Variants in SPACA1 observed in about 807,000 individuals in gnomAD.
The protein encoded by SPACA1 is sperm acrosome associated 1, also known as sperm acrosome membrane-associated protein 1.
Under a neutral mutation model 32.6 loss-of-function variants are expected in SPACA1, and 17 were observed. The ratio of observed to expected loss-of-function variants is 0.52; its 90% CI spans 0.36 to 0.78. The LOEUF (loss-of-function observed/expected upper bound fraction) is 0.78, where lower values mean the gene tolerates loss of function less well. SPACA1 is among the 30% of genes least tolerant of loss of function. The probability of loss-of-function intolerance (pLI) is 0.01; values close to 1 mark genes in which losing one functional copy is unlikely to be tolerated. For missense variants in SPACA1, 363 were observed against 373.4 expected (o/e 0.97, Z 0.23); for synonymous variants, 140 against 138.1 (o/e 1.01, Z -0.10).
upstream of SPACA1, among the ~76,000 whole-genome samples, chr6:88,046,982 C>G (rs144407178): frequency 3.2e-3 from 485 of 152,260 alleles, 4 homozygotes; most frequent in South Asian, 0.02. Context: ...GGAATTTAAA[C>G]ATTAAGCCTC....
At chr6:88,064,524 G>A (rs188446537) in intron 6 of SPACA1, 110 of 165,944 alleles carry the variant, frequency 6.6e-4, no homozygotes, top group African/African-American at 2.6e-3. Flanking sequence ...GTGTTGTCCA[G>A]TTGTGGTTCT....
intron 5 of SPACA1, among the ~76,000 whole-genome samples, chr6:88,061,180 A>G (rs543485753): frequency 1.3e-5 from 2 of 152,318 alleles, no homozygotes; most frequent in South Asian, 4.1e-4. Flanking sequence ...TAGGGTAAAT[A>G]TGGTTTCCCT....
chr6:88,051,898 A>G (rs1014097952), intron 1 of SPACA1, among the ~76,000 whole-genome samples: 1 of 152,246 alleles, frequency 6.6e-6, no homozygotes, highest in Non-Finnish European at 1.5e-5. Context: ...CATTAATAAA[A>G]ATGTTGAACA....
At chr6:88,062,964 G>A (rs1169175268) in intron 5 of SPACA1, among the ~76,000 whole-genome samples, 3 of 152,096 alleles carry the variant, frequency 2.0e-5, no homozygotes, top group Non-Finnish European at 4.4e-5. Context: ...GTAGGCAAAC[G>A]TTTCTTAGAC....
Position 88,053,970 on chromosome 6 carries a change from A to T in SPACA1, c.233A>T (p.Glu78Val), listed in dbSNP as rs1355466907. 1 of 1,613,622 alleles carries T rather than the reference A, an allele frequency of 6.2e-7. No homozygotes were observed. ...GTTTCAAATAGGAATGTCGTCAAAG[A>T]AGTAGAATTCGGAATGTGCACCGTT... The part of the protein sequence containing the change: ...EDVSNRNVVK[E>V]VEFGMCTVTC... Residue 78 changes from glutamate to valine, a missense_variant, in exon 2 of 7, where the codon GAA becomes GTA. Physicochemically the swap from Glu to Val is moderately radical, Grantham distance 121. Transcript: ENST00000237201.
chr6:88,061,323 T>A (rs1026691650), intron 5 of SPACA1, among the ~76,000 whole-genome samples: 5 of 152,138 alleles, frequency 3.3e-5, no homozygotes, highest in African/African-American at 1.2e-4. Flanking sequence ...AAATAGGACT[T>A]TTTACAGATG....
intron 5 of SPACA1, among the ~76,000 whole-genome samples, chr6:88,059,803 C>T (rs908119642): frequency 3.1e-4 from 47 of 152,200 alleles, no homozygotes; most frequent in African/African-American, 1.1e-3. Context: ...CACTGGTTTA[C>T]ATCATTTAGA....
At chr6:88,057,318 G>A (rs1413246235) in intron 2 of SPACA1, among the ~76,000 whole-genome samples, 1 of 152,132 alleles carries the variant, frequency 6.6e-6, no homozygotes, top group African/African-American at 2.4e-5. Context: ...TAGTAAAGCG[G>A]TCCCTTTAAT....
intron 2 of SPACA1, among the ~76,000 whole-genome samples, chr6:88,055,074 CAA>C (rs2127799364): frequency 6.6e-6 from 1 of 151,742 alleles, no homozygotes; most frequent in East Asian, 1.9e-4. Context: ...CTTAGTAAGT[CAA>C]GAGTCATAAA....
upstream of SPACA1, among the ~76,000 whole-genome samples, chr6:88,047,636 G>T (rs1267810008): frequency 6.6e-6 from 1 of 152,234 alleles, no homozygotes. Context: ...GGAACTTCCG[G>T]TTGCGGGGAA....
At chr6:88,050,938 G>C (rs1333627056) in intron 1 of SPACA1, among the ~76,000 whole-genome samples, 1 of 151,848 alleles carries the variant, frequency 6.6e-6, no homozygotes, top group African/African-American at 2.4e-5. Context: ...TCACAAGGTG[G>C]AGATCGAGAG....
chr6:88,059,641 T>A, intron 5 of SPACA1, 53 bp downstream of exon 5: 1 of 1,524,028 alleles, frequency 6.6e-7, no homozygotes, highest in Non-Finnish European at 8.8e-7. Context: ...TTAAAGAGCA[T>A]TAAAATCACT....
At chr6:88,060,853 AT>A (rs1214465983) in intron 5 of SPACA1, among the ~76,000 whole-genome samples, 1 of 152,196 alleles carries the variant, frequency 6.6e-6, no homozygotes, top group Non-Finnish European at 1.5e-5. Context: ...GGGAGCATGC[AT>A]TTGGTAATGT....
chr6:88,064,481 AT>A (rs1339914723), intron 6 of SPACA1: 1 of 210,456 alleles, frequency 4.8e-6, no homozygotes, highest in Non-Finnish European at 9.4e-6. Context: ...TTACACGGTA[AT>A]TGCTTTAAAA....
Position 88,064,179 on chromosome 6 carries a change from G to A in SPACA1, c.691G>A (p.Val231Ile), listed in dbSNP as rs992222363. ...FVLTIGVIIC[V>I]FIIFLLIFII... ...GCTGACCATAGGAGTCATTATCTGT[G>A]TATTTATAATTTTCTTATTGATCTT... Residue 231 changes from valine (V) to isoleucine (I), a missense_variant, in exon 6 of 7, where the codon GTA becomes ATA. Coordinates refer to ENST00000237201, the MANE Select transcript of SPACA1 (RefSeq NM_030960.3). 6 of 1,612,582 alleles carry A rather than the reference G, an allele frequency of 3.7e-6. No individual in the cohort carries two copies. Among genetic ancestry groups the A allele is most frequent in the African/African-American group, 1.3e-5 (1 of 74,922 alleles).
rs1199421980 is a variant in SPACA1, at chr6:88,057,695, G to A, written c.349G>A (p.Gly117Arg). ...KCVVRVEECR[G>R]PTDCGWGKPI... ...TGTTGTACGGGTAGAAGAATGCCGT[G>A]GACCAACAGATTGTGGCTGTGAGTT... Residue 117 changes from glycine (G) to arginine (R), a missense_variant, in exon 3 of 7, where the codon GGA becomes AGA. Physicochemically the swap from Gly to Arg is moderately radical, Grantham distance 125. Coordinates refer to ENST00000237201, the MANE Select transcript of SPACA1 (RefSeq NM_030960.3). The A allele has an allele frequency of 6.2e-7, 1 of 1,613,692 alleles. No homozygotes were observed. The highest frequency in any genetic ancestry group is 2.2e-5 in the East Asian group (1 of 44,882).
chr6:88,061,268 GT>G (rs557118599), intron 5 of SPACA1, among the ~76,000 whole-genome samples: 1 of 152,104 alleles, frequency 6.6e-6, no homozygotes. Context: ...ATTAGGCATT[GT>G]TAAAAAAGAT....
intron 1 of SPACA1, among the ~76,000 whole-genome samples, chr6:88,050,063 C>T (rs1351690760): frequency 6.6e-6 from 1 of 152,194 alleles, no homozygotes; most frequent in Non-Finnish European, 1.5e-5. Flanking sequence ...ATGAATTTTA[C>T]TCATTTCTAC....
chr6:88,054,740 T>C lies in SPACA1; in HGVS notation c.265+738T>C, dbSNP rs947582936. On this transcript the variant is annotated intron_variant, in intron 2 of 6. Transcript: ENST00000237201. ...AAATCCATTCAGATCTAGATCAGAATGAATTTTGCAGGGGTGGCGGTGTCA... is the reference window on the plus strand; with the variant it reads ...AAATCCATTCAGATCTAGATCAGAACGAATTTTGCAGGGGTGGCGGTGTCA... Among the ~76,000 whole-genome samples, 2 of 152,186 alleles carry C rather than the reference T, an allele frequency of 1.3e-5. 1 individual carries two copies. Among genetic ancestry groups the C allele is most frequent in the South Asian group, 4.1e-4 (2 of 4,828 alleles).
Sources: allele counts gnomAD v4.1 joint callset (sites outside exome capture counted in the v4.1 genomes callset), GRCh38; gene constraint gnomAD v4.1.1; transcripts MANE v1.5; gene names NCBI Gene and HGNC (gene_info 2026-07-23, HGNC 2026-07-21).